Variants in GNAL observed in about 807,000 individuals in gnomAD.
GNAL encodes the protein guanine nucleotide-binding protein G(olf) subunit alpha.
Under a neutral mutation model 55.1 loss-of-function variants are expected in GNAL, and 18 were observed. The observed-to-expected ratio is 0.33, with a 90% CI of 0.23 to 0.48. The LOEUF (loss-of-function observed/expected upper bound fraction) is 0.48, where lower values mean the gene tolerates loss of function less well. Ranked by LOEUF, GNAL falls within the 20% of genes least tolerant of loss-of-function variation. The pLI is 0.99. For synonymous variants in GNAL, 253 were observed against 237.0 expected, an observed-to-expected ratio of 1.07 and a Z score of -0.62; for missense variants, 412 against 614.1, an observed-to-expected ratio of 0.67 and a Z score of 3.48.
At position 11,868,392 on chromosome 18, in the gene GNAL, C is replaced by T. The variant is rs1290505788; in HGVS notation, c.911-151C>T. On this transcript the variant is annotated intron_variant, in intron 8 of 11. Coordinates refer to ENST00000334049, the MANE Select transcript of GNAL (RefSeq NM_182978.4). The surrounding 1 kb of genome is among the most constrained non-coding windows in gnomAD (Gnocchi z 4.0). ...TGCGTTACTGAAGCAACCAGTGGTG[C>T]GCGGCGCACCTGCAGGCTGTTCTGT... The T allele has an allele frequency of 2.5e-5, 15 of 607,584 alleles. No individual in the cohort carries two copies. The highest frequency in any genetic ancestry group is 7.6e-5 in the African/African-American group (4 of 52,346). The allele number at this position is 607,584 out of a possible 1,614,324, so 37.6% of individuals were successfully genotyped here.
intron 7 of GNAL, among the ~76,000 whole-genome samples, chr18:11,864,849 GC>G (rs1383281632): frequency 6.6e-6 from 1 of 152,082 alleles, no homozygotes; most frequent in East Asian, 1.9e-4. Flanking sequence ...GATTTGATTG[GC>G]CCTTTTTTTT....
At chr18:11,769,167 T>C (rs932999553) in intron 4 of GNAL, among the ~76,000 whole-genome samples, 5 of 111,246 alleles carry the variant, frequency 4.5e-5, no homozygotes, top group Non-Finnish European at 7.8e-5. Flanking sequence ...TTATATGTAA[T>C]ATATATTATA....
chr18:11,818,250 T>A (rs2035009615), intron 4 of GNAL, among the ~76,000 whole-genome samples: 1 of 152,146 alleles, frequency 6.6e-6, no homozygotes, highest in Non-Finnish European at 1.5e-5. Flanking sequence ...GTTATAACAC[T>A]GTAAAATAAC....
At chr18:11,830,606 C>T (rs2035358052) in intron 5 of GNAL, among the ~76,000 whole-genome samples, 1 of 152,106 alleles carries the variant, frequency 6.6e-6, no homozygotes, top group African/African-American at 2.4e-5. Flanking sequence ...TCGAATTACC[C>T]AGCAATTCCA....
intron 5 of GNAL, among the ~76,000 whole-genome samples, chr18:11,843,379 G>T (rs1229530002): frequency 3.3e-5 from 5 of 152,100 alleles, no homozygotes; most frequent in Non-Finnish European, 5.9e-5. Context: ...ACAAAAATTA[G>T]CGGAGAGTGG....
intron 1 of GNAL, among the ~76,000 whole-genome samples, chr18:11,703,353 A>C (rs1382036185): frequency 6.6e-6 from 1 of 152,250 alleles, no homozygotes; most frequent in Non-Finnish European, 1.5e-5. Flanking sequence ...TAATTGATAT[A>C]TGTGACCTAT....
In GNAL at chr18:11,876,694, C is replaced by T; in HGVS notation, c.1230+6C>T. The T allele has an allele frequency of 1.3e-6, 2 of 1,569,630 alleles. No individual in the cohort carries two copies. Among genetic ancestry groups the T allele is most frequent in the Non-Finnish European group, 1.8e-6 (2 of 1,139,482 alleles). ...TTATCCGGGACCTGTTTTTGGTAAG[C>T]AATTTTGTTAACCTTTGTTTTTCTA... On this transcript the variant is annotated splice_donor_region_variant and intron_variant, in intron 11 of 11. Transcript: ENST00000334049.
At chr18:11,750,210 G>A (rs1282575874) in intron 1 of GNAL, among the ~76,000 whole-genome samples, 2 of 152,174 alleles carry the variant, frequency 1.3e-5, no homozygotes, top group African/African-American at 2.4e-5. Context: ...TTCTGGTTTG[G>A]AAAATTAGGG....
chr18:11,794,985 G>A (rs986973679), intron 4 of GNAL, among the ~76,000 whole-genome samples: 2 of 152,136 alleles, frequency 1.3e-5, no homozygotes, highest in South Asian at 4.2e-4. Context: ...TGGGATTACC[G>A]GCGCCTGCCA....
At chr18:11,852,839 T>A (rs2035912923) in intron 5 of GNAL, 1 of 167,042 alleles carries the variant, frequency 6.0e-6, no homozygotes, top group South Asian at 2.1e-4. Flanking sequence ...ATTAAATTTG[T>A]TCATTTATAT....
At chr18:11,743,312 T>TCC (rs2032618605) in intron 1 of GNAL, among the ~76,000 whole-genome samples, 1 of 99,784 alleles carries the variant, frequency 1.0e-5, no homozygotes, top group South Asian at 3.6e-4. Context: ...CACTCACTAA[T>TCC]ACAAAAAAAA....
At chr18:11,779,700 A>T (rs868285848) in intron 4 of GNAL, among the ~76,000 whole-genome samples, 1 of 152,250 alleles carries the variant, frequency 6.6e-6, no homozygotes, top group Middle Eastern at 3.4e-3. Context: ...AATTTCCTGA[A>T]CACCTCCCCT....
chr18:11,857,455 G>A, intron 5 of GNAL: 10 of 983,506 alleles, frequency 1.0e-5, no homozygotes, highest in Non-Finnish European at 1.2e-5. Context: ...AGACTGAAGG[G>A]GAGACTGGAC....
At chr18:11,716,987 T>C (rs1241649238) in intron 1 of GNAL, among the ~76,000 whole-genome samples, 3 of 152,172 alleles carry the variant, frequency 2.0e-5, no homozygotes, top group African/African-American at 7.2e-5. Flanking sequence ...ACTGGGTGCC[T>C]GGAGCAGGGG....
intron 5 of GNAL, among the ~76,000 whole-genome samples, chr18:11,843,801 C>T (rs1451021169): frequency 1.3e-5 from 2 of 151,296 alleles, no homozygotes; most frequent in Non-Finnish European, 2.9e-5. Flanking sequence ...TGGATAAACC[C>T]CATCTCTACT....
rs1291674291 is a variant in GNAL, at chr18:11,882,469, C to G, written c.*1334C>G. The G allele has an allele frequency of 2.0e-5, 3 of 152,166 alleles. No individual in the cohort carries two copies. Among genetic ancestry groups the G allele is most frequent in the African/African-American group, 7.2e-5 (3 of 41,424 alleles). The allele number at this position is 152,166 out of a possible 1,614,324, so 9.4% of individuals were successfully genotyped here. ...TTGGGAGGCCGAGGCAGGCGGATCACGAGGCCAGGAGATCAAGACCATCCT... is the reference window on the plus strand; with the variant it reads ...TTGGGAGGCCGAGGCAGGCGGATCAGGAGGCCAGGAGATCAAGACCATCCT... On this transcript the variant is annotated 3_prime_UTR_variant, in exon 12 of 12. Transcript: ENST00000334049.
intron 1 of GNAL, among the ~76,000 whole-genome samples, chr18:11,731,599 C>T (rs1374666550): frequency 1.3e-5 from 2 of 152,178 alleles, no homozygotes; most frequent in Non-Finnish European, 2.9e-5. Context: ...AATCCCACTG[C>T]GCAATTGAAT....
At chr18:11,692,413 G>A (rs756373990) in intron 1 of GNAL, among the ~76,000 whole-genome samples, 9 of 152,272 alleles carry the variant, frequency 5.9e-5, no homozygotes, top group African/African-American at 7.2e-5. Flanking sequence ...ACAGGGACGC[G>A]GGCTGAGCGG....
chr18:11,857,494 A>G, intron 5 of GNAL: 5 of 985,466 alleles, frequency 5.1e-6, no homozygotes, highest in Non-Finnish European at 6.0e-6. Flanking sequence ...GGCCACATTA[A>G]AAGTGTGGAC....
Sources: allele counts gnomAD v4.1 joint callset (sites outside exome capture counted in the v4.1 genomes callset), GRCh38; gene constraint gnomAD v4.1.1; non-coding constraint Gnocchi (gnomAD v3.1); transcripts MANE v1.5; gene names NCBI Gene and HGNC (gene_info 2026-07-23, HGNC 2026-07-21).